ZMIZ1: variants seen among roughly 807,000 people sequenced by gnomAD.
ZMIZ1 encodes zinc finger MIZ-type containing 1.
ZMIZ1 carries 17 observed loss-of-function variants against 113.9 expected under a neutral mutation model. That is an observed-to-expected ratio of 0.15 (90% confidence interval 0.10 to 0.22). The LOEUF (loss-of-function observed/expected upper bound fraction) is 0.22, where lower values mean the gene tolerates loss of function less well. ZMIZ1 is among the 10% of genes least tolerant of loss of function. The probability of loss-of-function intolerance (pLI) is 1.00; values close to 1 mark genes in which losing one functional copy is unlikely to be tolerated. For missense variants in ZMIZ1, 1,059 were observed against 1,477.8 expected (o/e 0.72, Z 4.65); for synonymous variants, 607 against 603.1 (o/e 1.01, Z -0.09).
intron 4 of ZMIZ1, among the ~76,000 whole-genome samples, chr10:79,189,040 C>T (rs537070686): frequency 1.3e-5 from 2 of 152,344 alleles, no homozygotes; most frequent in South Asian, 4.1e-4. Flanking sequence ...CTCTGATCTC[C>T]TGTCTTTATT....
chr10:79,307,480 T>C lies in ZMIZ1; in HGVS notation c.2744T>C (p.Met915Thr). Residue 915 changes from methionine to threonine, a missense_variant, in exon 23 of 25, where the codon ATG (methionine) becomes ACG (threonine). Met to Thr is a moderately conservative substitution (Grantham distance 81). This residue lies in a region of ZMIZ1 where 225 missense variants were observed against 276.0 expected (regional missense o/e 0.82). Coordinates refer to ENST00000334512, the MANE Select transcript of ZMIZ1 (RefSeq NM_020338.4). ...NPGGTSMNDF[M>T]HGPPQLSHPP... Reference sequence around the variant, plus strand: ...GGAGGGACATCCATGAATGACTTCATGCACGGGCCCCCCCAGCTCTCCCAC... The same window carrying C: ...GGAGGGACATCCATGAATGACTTCACGCACGGGCCCCCCCAGCTCTCCCAC... 1 of 1,611,676 alleles carries C rather than the reference T, an allele frequency of 6.2e-7. No homozygotes were observed.
chr10:79,221,960 G>A (rs537542534), intron 7 of ZMIZ1, among the ~76,000 whole-genome samples: 11 of 152,338 alleles, frequency 7.2e-5, no homozygotes, highest in African/African-American at 2.2e-4. Flanking sequence ...AAGTCAAAAC[G>A]CAGAGAGAGC....
At chr10:79,087,236 A>G (rs1055538515) in intron 1 of ZMIZ1, among the ~76,000 whole-genome samples, 3 of 152,222 alleles carry the variant, frequency 2.0e-5, no homozygotes, top group African/African-American at 7.2e-5. Flanking sequence ...TACATGTATT[A>G]GATGATTTTT....
intron 7 of ZMIZ1, among the ~76,000 whole-genome samples, chr10:79,265,239 C>A (rs762863138): frequency 1.3e-5 from 2 of 152,090 alleles, no homozygotes; most frequent in Non-Finnish European, 2.9e-5. Context: ...CCAGACTGGA[C>A]CACAGGACCT....
chr10:79,249,015 C>T (rs1246727759), intron 7 of ZMIZ1, among the ~76,000 whole-genome samples: 3 of 152,176 alleles, frequency 2.0e-5, no homozygotes, highest in African/African-American at 7.2e-5. Context: ...TGATGGGCAG[C>T]TTCACTGTGC....
chr10:79,269,573 C>T (rs1016945138), intron 7 of ZMIZ1, among the ~76,000 whole-genome samples: 2 of 152,054 alleles, frequency 1.3e-5, no homozygotes, highest in African/African-American at 4.8e-5. Flanking sequence ...TGTGGCTTCC[C>T]CAGGCTGCAG....
intron 16 of ZMIZ1, among the ~76,000 whole-genome samples, 179 bp downstream of exon 16, chr10:79,299,370 C>T (rs894078860): frequency 2.6e-5 from 4 of 152,218 alleles, no homozygotes; most frequent in African/African-American, 7.2e-5. Flanking sequence ...TGCAGGTGCA[C>T]AGGTAGATGA....
intron 1 of ZMIZ1, among the ~76,000 whole-genome samples, chr10:79,116,103 C>T (rs1239424087): frequency 2.6e-5 from 4 of 152,030 alleles, no homozygotes; most frequent in Admixed American, 6.5e-5. Context: ...GTAAGCCCTG[C>T]ACTCTGTAGC....
Position 79,122,346 on chromosome 10 carries a change from G to A in ZMIZ1, c.-227+3322G>A, listed in dbSNP as rs147422512. Reference sequence around the variant, plus strand: ...GTGGAGTGGCAACTCTTTCCGTCACGTAGTGATGTTCAAGGCTCTCCTGAC... The same window carrying A: ...GTGGAGTGGCAACTCTTTCCGTCACATAGTGATGTTCAAGGCTCTCCTGAC... On this transcript the variant is annotated intron_variant, in intron 2 of 24. Coordinates refer to ENST00000334512, the MANE Select transcript of ZMIZ1 (RefSeq NM_020338.4). 2.1e-3 allele frequency among the ~76,000 whole-genome samples: 316 copies of A among 152,226 alleles called. 3 individuals are homozygous for A. The highest frequency in any genetic ancestry group is 7.3e-3 in the African/African-American group (305 of 41,538).
chr10:79,214,013 G>A (rs1219146535), intron 6 of ZMIZ1, among the ~76,000 whole-genome samples: 5 of 152,166 alleles, frequency 3.3e-5, no homozygotes, highest in East Asian at 1.9e-4. Flanking sequence ...GAAACAGGCC[G>A]CTCTGTGCTC....
At chr10:79,261,074 G>A (rs944035369) in intron 7 of ZMIZ1, among the ~76,000 whole-genome samples, 9 of 152,186 alleles carry the variant, frequency 5.9e-5, no homozygotes, top group African/African-American at 1.7e-4. Context: ...CCAGGGGTTC[G>A]AGACCCCAGA....
In ZMIZ1 at chr10:79,256,958, G is replaced by A. The variant is rs115977601; in HGVS notation, c.281-20223G>A. Among the ~76,000 whole-genome samples the A allele has an allele frequency of 8.9e-3, 1,360 of 152,358 alleles. 19 individuals carry two copies. Among genetic ancestry groups the A allele is most frequent in the African/African-American group, 0.031 (1,279 of 41,580 alleles). On this transcript the variant is annotated intron_variant, in intron 7 of 24. Transcript: ENST00000334512. Reference sequence around the variant, plus strand: ...TTGCTCCAGGTGACACAGCCCATCAGTGAAAAGTGACGTCTTCAGGCTTCT... The same window carrying A: ...TTGCTCCAGGTGACACAGCCCATCAATGAAAAGTGACGTCTTCAGGCTTCT...
chr10:79,253,261 A>C (rs1850659270), intron 7 of ZMIZ1, among the ~76,000 whole-genome samples: 1 of 152,204 alleles, frequency 6.6e-6, no homozygotes, highest in African/African-American at 2.4e-5. Context: ...GCATGTGTCC[A>C]CTAGGACGTG....
intron 1 of ZMIZ1, among the ~76,000 whole-genome samples, chr10:79,094,623 C>G (rs980095067): frequency 6.6e-6 from 1 of 152,164 alleles, no homozygotes; most frequent in Admixed American, 6.5e-5. Context: ...AGACCAAGGC[C>G]TCGCTGGGCA....
chr10:79,137,538 G>A (rs1845058110), intron 2 of ZMIZ1, among the ~76,000 whole-genome samples: 1 of 152,182 alleles, frequency 6.6e-6, no homozygotes, highest in African/African-American at 2.4e-5. Flanking sequence ...GGGCGGGTGG[G>A]GCCGTGGGAA....
In ZMIZ1 at chr10:79,304,001, C is replaced by A. The variant is rs1469637422; in HGVS notation, c.2126-14C>A. ...TCTTGCCATCCTCACCTGTCTGTGC[C>A]TCCTGCCCCGCAGTCAAGCGGAATT... On this transcript the variant is annotated splice_polypyrimidine_tract_variant and intron_variant, in intron 18 of 24. Coordinates refer to ENST00000334512, the MANE Select transcript of ZMIZ1 (RefSeq NM_020338.4). 6.2e-7 allele frequency: 1 copy of A among 1,613,592 alleles called. No homozygotes were observed. The highest frequency in any genetic ancestry group is 8.5e-7 in the Non-Finnish European group (1 of 1,180,000).
At chr10:79,137,542 G>A (rs900927344) in intron 2 of ZMIZ1, among the ~76,000 whole-genome samples, 10 of 152,292 alleles carry the variant, frequency 6.6e-5, no homozygotes, top group South Asian at 4.1e-4. Context: ...GGGTGGGGCC[G>A]TGGGAAGCAG....
intron 3 of ZMIZ1, among the ~76,000 whole-genome samples, chr10:79,158,100 G>A (rs1845974282): frequency 6.6e-6 from 1 of 152,162 alleles, no homozygotes; most frequent in Admixed American, 6.5e-5. Context: ...ATAACCTTGA[G>A]CAATTACCCT....
intron 7 of ZMIZ1, among the ~76,000 whole-genome samples, chr10:79,242,056 T>C (rs1036504700): frequency 6.6e-6 from 1 of 151,570 alleles, no homozygotes; most frequent in Non-Finnish European, 1.5e-5. Flanking sequence ...AGCTATAAAA[T>C]ACAGTTTCTC....
Sources: allele counts gnomAD v4.1 joint callset (sites outside exome capture counted in the v4.1 genomes callset), GRCh38; gene constraint gnomAD v4.1.1; regional missense constraint gnomAD v4.1.1; transcripts MANE v1.5; gene names NCBI Gene and HGNC (gene_info 2026-07-23, HGNC 2026-07-21).